The following ABCA13 variants were observed in gnomAD, a reference collection of about 807,000 sequenced individuals.
The protein encoded by ABCA13 is ATP binding cassette subfamily A member 13.
ABCA13 carries 476 observed loss-of-function variants against 478.7 expected under a neutral mutation model. The ratio of observed to expected loss-of-function variants is 0.99; its 90% confidence interval spans 0.92 to 1.07. The LOEUF (loss-of-function observed/expected upper bound fraction) is 1.07. ABCA13 is among the 50% of genes least tolerant of loss of function. The pLI is 0.00. For missense variants in ABCA13, 6,060 were observed against 5,910.6 expected, an observed-to-expected ratio of 1.03 and a Z score of -0.83; for synonymous variants, 2,252 against 2,158.9, an observed-to-expected ratio of 1.04 and a Z score of -1.20.
chr7:48,227,728 A>G (rs1289592560), intron 6 of ABCA13, among the ~76,000 whole-genome samples: 3 of 152,240 alleles, frequency 2.0e-5, no homozygotes, highest in Admixed American at 2.0e-4. Context: ...GCTGCAGCAT[A>G]TATCATTCTG....
chr7:48,268,909 AT>A, intron 15 of ABCA13, 70 bp from the exon 16 acceptor site: 1 of 626,200 alleles, frequency 1.6e-6, no homozygotes. Flanking sequence ...CTACTCTAGC[AT>A]TTTTCACTTT....
chr7:48,198,209 C>A, intron 2 of ABCA13, 28 bp from the exon 3 acceptor site: 1 of 1,601,018 alleles, frequency 6.2e-7, no homozygotes, highest in Admixed American at 1.7e-5. Context: ...GGTATACGGA[C>A]TCATTTCTTC....
Position 48,412,905 on chromosome 7 carries a change from G to A in ABCA13, c.12459+322G>A, listed in dbSNP as rs552728235. Among the ~76,000 whole-genome samples the A allele has an allele frequency of 2.4e-3, 357 of 151,388 alleles. 1 individual carries two copies. Among genetic ancestry groups the A allele is most frequent in the East Asian group, 4.3e-3 (22 of 5,110 alleles). The stretch of plus-strand genomic sequence containing the variant: ...CGGCTCACTGCAAGCTCTGCCTCCC[G>A]GGTTCACGCCAGTCTCCTGCCTCAG... On this transcript the variant is annotated intron_variant, in intron 41 of 61. Coordinates refer to ENST00000435803, the MANE Select transcript of ABCA13 (RefSeq NM_152701.5).
intron 33 of ABCA13, 36 bp downstream of exon 33, chr7:48,372,533 A>AC (rs768881831): frequency 1.1e-4 from 148 of 1,341,134 alleles, no homozygotes; most frequent in Middle Eastern, 2.0e-4. Context: ...AAAAAAAAAA[A>AC]CAACAAAATT....
chr7:48,393,308 C>T (rs78655028), intron 38 of ABCA13, among the ~76,000 whole-genome samples: 5,178 of 152,228 alleles, frequency 0.034, 116 homozygotes, highest in South Asian at 0.06. Flanking sequence ...TGGGCTCTGC[C>T]CCCTCAGGAA....
chr7:48,343,101 C>T (rs1305483279), intron 29 of ABCA13, among the ~76,000 whole-genome samples: 2 of 143,724 alleles, frequency 1.4e-5, no homozygotes, highest in Non-Finnish European at 3.1e-5. Flanking sequence ...TTTTCTCTTG[C>T]TTTTTTTTTT....
chr7:48,198,560 G>A (rs1367629048), intron 3 of ABCA13, among the ~76,000 whole-genome samples, 200 bp downstream of exon 3: 1 of 152,234 alleles, frequency 6.6e-6, no homozygotes, highest in Non-Finnish European at 1.5e-5. Context: ...TCTTTCCACT[G>A]TCACTTGCGG....
intron 38 of ABCA13, 106 bp downstream of exon 38, chr7:48,392,245 A>G (rs1816187485): frequency 1.9e-6 from 2 of 1,054,718 alleles, no homozygotes; most frequent in African/African-American, 1.6e-5. Context: ...CTACATTTAT[A>G]AGATGAAATA....
chr7:48,352,611 A>C (rs1448036337), intron 31 of ABCA13, 124 bp downstream of exon 31: 1 of 1,140,304 alleles, frequency 8.8e-7, no homozygotes, highest in Non-Finnish European at 1.2e-6. Flanking sequence ...TTCACCCCCC[A>C]CTTTTTAATT....
chr7:48,471,186 G>C (rs1000047203), intron 44 of ABCA13, among the ~76,000 whole-genome samples: 4 of 152,204 alleles, frequency 2.6e-5, no homozygotes. Flanking sequence ...ACGTCTTGCT[G>C]TTTATTAATT....
chr7:48,522,523 T>A lies in ABCA13; in HGVS notation c.14052-1725T>A, dbSNP rs139319390. On this transcript the variant is annotated intron_variant, in intron 53 of 61. Coordinates refer to ENST00000435803, the MANE Select transcript of ABCA13 (RefSeq NM_152701.5). ...TGAGATATGCTGCATATCTGGAAAG[T>A]TCTGCTATACCTAGGTCCCATCTGA... 6.2e-3 allele frequency among the ~76,000 whole-genome samples: 938 copies of A among 152,286 alleles called. 9 individuals carry two copies. The highest frequency in any genetic ancestry group is 0.022 in the African/African-American group (895 of 41,552).
At chr7:48,447,794 A>T (rs1824485067) in intron 42 of ABCA13, among the ~76,000 whole-genome samples, 1 of 152,164 alleles carries the variant, frequency 6.6e-6, no homozygotes, top group Admixed American at 6.5e-5. Flanking sequence ...GGGGAGTGAG[A>T]TTAAAGCTGA....
chr7:48,335,442 T>G lies in ABCA13; in HGVS notation c.10020T>G (p.Ile3340Met). ...TGCAGGCTAATTACACCTTTTATATTGTGGACAAACTAAAAACTTTATCAG... is the reference window on the plus strand; with the variant it reads ...TGCAGGCTAATTACACCTTTTATATGGTGGACAAACTAAAAACTTTATCAG... Reference protein sequence around the residue: ...VIQKANYTFYIVDKLKTLSET... With the variant: ...VIQKANYTFYMVDKLKTLSET... The change falls in exon 28 of 62, where the codon ATT (isoleucine) becomes ATG (methionine). Residue 3340 changes from isoleucine (I) to methionine (M), a missense_variant. Physicochemically the swap from Ile to Met is conservative, Grantham distance 10 (BLOSUM62 1). This residue lies in a region of ABCA13 where 4,423 missense variants were observed against 4,309.1 expected (regional missense o/e 1.03). Coordinates refer to ENST00000435803, the MANE Select transcript of ABCA13 (RefSeq NM_152701.5). The G allele has an allele frequency of 6.2e-7, 1 of 1,611,920 alleles. No homozygotes were observed. Among genetic ancestry groups the G allele is most frequent in the Non-Finnish European group, 8.5e-7 (1 of 1,178,738 alleles).
chr7:48,194,829 C>G (rs1584097472), intron 2 of ABCA13, among the ~76,000 whole-genome samples: 1 of 147,568 alleles, frequency 6.8e-6, no homozygotes, highest in East Asian at 2.0e-4. Flanking sequence ...TTAAGAAAAC[C>G]TAAAAAGCTT....
chr7:48,479,094 G>A (rs1030869614), intron 45 of ABCA13, among the ~76,000 whole-genome samples: 2 of 144,748 alleles, frequency 1.4e-5, no homozygotes, highest in African/African-American at 5.1e-5. Flanking sequence ...ACTACAGGTG[G>A]CCGCCACTAC....
At position 48,636,537 on chromosome 7, in the gene ABCA13, G is replaced by A. The variant is rs546493712; in HGVS notation, c.14838-6751G>A. On this transcript the variant is annotated intron_variant, in intron 59 of 61. Transcript: ENST00000435803. ...CAAGGGTTCTATGAACTCCTGGTGA[G>A]TCAGAGGCCTGTGTGCCCTGCCCTG... Among the ~76,000 whole-genome samples the A allele has an allele frequency of 6.6e-5, 10 of 152,312 alleles. No homozygotes were observed. In the South Asian group the frequency reaches 2.1e-3, roughly 32 times the overall value.
At chr7:48,367,959 C>A in intron 32 of ABCA13, 51 bp downstream of exon 32, 1 of 1,422,254 alleles carries the variant, frequency 7.0e-7, no homozygotes, top group Non-Finnish European at 9.6e-7. Flanking sequence ...AGGCTGGGGA[C>A]TTTGGAAATG....
intron 3 of ABCA13, among the ~76,000 whole-genome samples, chr7:48,206,010 T>C (rs1051125225): frequency 2.6e-5 from 4 of 152,212 alleles, no homozygotes; most frequent in African/African-American, 7.2e-5. Context: ...CTGTGCTCTA[T>C]CCCAGCCCAA....
chr7:48,508,567 T>C (rs576860239), intron 50 of ABCA13, among the ~76,000 whole-genome samples: 2 of 152,318 alleles, frequency 1.3e-5, no homozygotes, highest in African/African-American at 4.8e-5. Flanking sequence ...GTGTTCCCTA[T>C]TCTTCAGGAC....
Sources: gnomAD v4.1 joint callset for allele counts (sites outside exome capture counted in the v4.1 genomes callset) on GRCh38, gnomAD v4.1.1 for gene constraint, gnomAD v4.1.1 regional missense constraint, MANE v1.5 for transcripts, NCBI Gene and HGNC (gene_info 2026-07-23, HGNC 2026-07-21) for gene names.